The following SPAG16 variants were observed in gnomAD, a reference collection of about 807,000 sequenced individuals.
The protein encoded by SPAG16 is sperm associated antigen 16, also known as sperm-associated antigen 16 protein.
A neutral mutation model predicts 80.4 loss-of-function variants in SPAG16; 86 were observed. The ratio of observed to expected loss-of-function variants is 1.07; its 90% CI spans 0.90 to 1.28. SPAG16 has a LOEUF of 1.28. Ranked by LOEUF, SPAG16 falls within the 50% of genes most tolerant of loss-of-function variation. The pLI, the probability that SPAG16 is intolerant of heterozygous loss-of-function variation, is 0.00. For missense variants in SPAG16, 870 were observed against 765.3 expected (o/e 1.14, Z -1.61); for synonymous variants, 294 against 265.9 (o/e 1.11, Z -1.03).
At chr2:214,361,135 C>CCTTTTCA (rs1431725979) in intron 15 of SPAG16, among the ~76,000 whole-genome samples, 1 of 151,778 alleles carries the variant, frequency 6.6e-6, no homozygotes, top group African/African-American at 2.4e-5. Context: ...TCAGAGAAAG[C>CCTTTTCA]CTTTTCACTG....
intron 13 of SPAG16, among the ~76,000 whole-genome samples, chr2:214,084,393 A>G (rs1203196921): frequency 6.6e-6 from 1 of 151,548 alleles, no homozygotes; most frequent in Non-Finnish European, 1.5e-5. Context: ...GTAATCTTTG[A>G]AAAAAAAATC....
chr2:214,203,990 G>T (rs1454554192), intron 15 of SPAG16, among the ~76,000 whole-genome samples: 1 of 152,138 alleles, frequency 6.6e-6, no homozygotes. Context: ...CCGTTGTGGG[G>T]GCACAGTGGG....
intron 10 of SPAG16, among the ~76,000 whole-genome samples, chr2:213,831,492 A>G (rs1201153095): frequency 6.6e-6 from 1 of 151,922 alleles, no homozygotes; most frequent in Admixed American, 6.6e-5. Context: ...CCTGTTAACT[A>G]ACATTCAAAG....
intron 15 of SPAG16, among the ~76,000 whole-genome samples, chr2:214,243,412 A>G (rs1689627803): frequency 6.6e-6 from 1 of 152,110 alleles, no homozygotes; most frequent in Non-Finnish European, 1.5e-5. Context: ...TCTCTGAGTC[A>G]GGGCTCATAA....
At chr2:213,609,573 A>G (rs1372979215) in intron 10 of SPAG16, among the ~76,000 whole-genome samples, 3 of 152,196 alleles carry the variant, frequency 2.0e-5, no homozygotes, top group South Asian at 2.1e-4. Context: ...AGTTCCATGT[A>G]TCACTAAACA....
At chr2:213,966,183 T>C (rs1408726032) in intron 12 of SPAG16, among the ~76,000 whole-genome samples, 1 of 152,150 alleles carries the variant, frequency 6.6e-6, no homozygotes, top group Non-Finnish European at 1.5e-5. Flanking sequence ...TCTTCTTGGT[T>C]GTACTTGGAC....
At chr2:213,983,867 G>A (rs2045883169) in intron 12 of SPAG16, among the ~76,000 whole-genome samples, 2 of 151,968 alleles carry the variant, frequency 1.3e-5, no homozygotes, top group Admixed American at 1.3e-4. Flanking sequence ...AGATTCCTAA[G>A]CATAGGGCAT....
chr2:213,601,998 G>A (rs756206906), intron 10 of SPAG16, among the ~76,000 whole-genome samples: 4 of 152,156 alleles, frequency 2.6e-5, no homozygotes, highest in Admixed American at 1.3e-4. Flanking sequence ...TAGATTCCTC[G>A]CATGTGCAGT....
At chr2:213,524,623 G>A (rs934708879) in intron 10 of SPAG16, among the ~76,000 whole-genome samples, 4 of 152,238 alleles carry the variant, frequency 2.6e-5, no homozygotes, top group Non-Finnish European at 5.9e-5. Flanking sequence ...GAGACATGGA[G>A]TCAAAGGAGA....
At chr2:214,248,800 CAAAG>C (rs964418514) in intron 15 of SPAG16, among the ~76,000 whole-genome samples, 16 of 152,030 alleles carry the variant, frequency 1.1e-4, no homozygotes, top group East Asian at 1.9e-4. Flanking sequence ...TAGCAAGTGA[CAAAG>C]AAAGCGATAT....
At chr2:213,740,349 TA>T (rs1169017650) in intron 10 of SPAG16, among the ~76,000 whole-genome samples, 5 of 152,168 alleles carry the variant, frequency 3.3e-5, no homozygotes, top group Non-Finnish European at 2.9e-5. Context: ...TAACAAACTG[TA>T]AAGAAAGGTT....
intron 13 of SPAG16, among the ~76,000 whole-genome samples, chr2:214,075,170 G>A (rs2051010483): frequency 6.6e-6 from 1 of 151,236 alleles, no homozygotes; most frequent in African/African-American, 2.4e-5. Flanking sequence ...TCCCACTCTG[G>A]TTGTCTTTCC....
At chr2:214,055,058 G>T (rs1338529990) in intron 13 of SPAG16, among the ~76,000 whole-genome samples, 1 of 152,102 alleles carries the variant, frequency 6.6e-6, no homozygotes, top group Non-Finnish European at 1.5e-5. Flanking sequence ...CTTAAATTTG[G>T]CAGGCTTTTA....
At chr2:213,467,959 G>A (rs1415025075) in intron 9 of SPAG16, among the ~76,000 whole-genome samples, 1 of 152,018 alleles carries the variant, frequency 6.6e-6, no homozygotes, top group African/African-American at 2.4e-5. Context: ...CTTTTTTCTT[G>A]TGTCTCCTCT....
chr2:213,803,792 C>T (rs2071567844), intron 10 of SPAG16, among the ~76,000 whole-genome samples: 1 of 152,292 alleles, frequency 6.6e-6, no homozygotes, highest in South Asian at 2.1e-4. Context: ...GGCTGGAGCA[C>T]GGTGGTGCCA....
At chr2:214,371,869 C>T (rs149400309) in intron 15 of SPAG16, among the ~76,000 whole-genome samples, 9,988 of 151,504 alleles carry the variant, frequency 0.066, 867 homozygotes, top group African/African-American at 0.2. Context: ...TTAGTAGAGA[C>T]GGGATTTCAC....
At chr2:214,174,566 T>C (rs1041945964) in intron 15 of SPAG16, among the ~76,000 whole-genome samples, 3 of 151,858 alleles carry the variant, frequency 2.0e-5, no homozygotes, top group African/African-American at 4.8e-5. Context: ...GTTCAGTTAA[T>C]GTTGCCTGCA....
rs564405505 is a variant in SPAG16, at chr2:214,153,174, G to A, written c.1720+3908G>A. Among the ~76,000 whole-genome samples, 10 of 152,130 alleles carry A rather than the reference G, an allele frequency of 6.6e-5. No homozygotes were observed. The South Asian group carries it at 8.3e-4, about 13-fold the overall frequency. On this transcript the variant is annotated intron_variant, in intron 15 of 15. Coordinates refer to ENST00000331683, the MANE Select transcript of SPAG16 (RefSeq NM_024532.5). ...TTTCGCTACCGCTAGACCACGGTCC[G>A]CCTGGCAATGGGTGTCTTCCCAGAC... is the stretch of plus-strand genomic sequence containing the variant.
intron 10 of SPAG16, among the ~76,000 whole-genome samples, chr2:213,643,680 A>C (rs1277472521): frequency 6.9e-6 from 1 of 144,166 alleles, no homozygotes; most frequent in Non-Finnish European, 1.5e-5. Flanking sequence ...TAGATCCTGT[A>C]GGCGCCCTTC....
Sources: gnomAD v4.1 joint callset for allele counts (sites outside exome capture counted in the v4.1 genomes callset) on GRCh38, gnomAD v4.1.1 for gene constraint, MANE v1.5 for transcripts, NCBI Gene and HGNC (gene_info 2026-07-23, HGNC 2026-07-21) for gene names.